DHX35: variants seen among roughly 807,000 people sequenced by gnomAD.
The protein encoded by DHX35 is DEAH-box helicase 35.
DHX35 carries 84 observed loss-of-function variants against 99.6 expected under a neutral mutation model. The observed-to-expected ratio is 0.84, with a 90% CI of 0.71 to 1.01. DHX35 has a LOEUF of 1.01. DHX35 is among the 50% of genes least tolerant of loss of function. The pLI is 0.00. For missense variants in DHX35, 852 were observed against 888.5 expected (o/e 0.96, Z 0.52); for synonymous variants, 331 against 316.2 (o/e 1.05, Z -0.50).
chr20:39,006,142 G>C lies in DHX35; in HGVS notation c.1012-4G>C, dbSNP rs1040509644. The C allele has an allele frequency of 6.2e-7, 1 of 1,611,626 alleles. No individual in the cohort carries two copies. The highest frequency in any genetic ancestry group is 1.1e-5 in the South Asian group (1 of 90,954). On this transcript the variant is annotated splice_polypyrimidine_tract_variant and splice_region_variant and intron_variant, in intron 11 of 21. Transcript: ENST00000252011. ...TTTTATTCTTCTTTCTGTGGGGAAC[G>C]TAGGTGATAGTGGCCACCAATGTGG...
chr20:39,005,237 G>C (rs1440743534), intron 11 of DHX35, among the ~76,000 whole-genome samples: 7 of 152,096 alleles, frequency 4.6e-5, no homozygotes, highest in Non-Finnish European at 1.0e-4. Context: ...AAACCCTTCA[G>C]GGGCAGCTCC....
chr20:38,972,156 C>T (rs533965744), intron 2 of DHX35, among the ~76,000 whole-genome samples: 1 of 151,850 alleles, frequency 6.6e-6, no homozygotes, highest in Non-Finnish European at 1.5e-5. Flanking sequence ...ATTACAGGCA[C>T]TTTCCACTGC....
intron 2 of DHX35, among the ~76,000 whole-genome samples, chr20:38,970,655 A>G (rs2085981411): frequency 6.6e-6 from 1 of 152,170 alleles, no homozygotes; most frequent in African/African-American, 2.4e-5. Context: ...AGGAGCACCT[A>G]CCTCATAGGA....
intron 4 of DHX35, among the ~76,000 whole-genome samples, chr20:38,984,919 G>A (rs1250427753): frequency 1.4e-5 from 2 of 148,118 alleles, no homozygotes; most frequent in Non-Finnish European, 3.0e-5. Context: ...TAATATGCTT[G>A]AGAATGTTCA....
intron 16 of DHX35, among the ~76,000 whole-genome samples, chr20:39,023,368 CTTTCTTTT>C (rs1307629606): frequency 6.6e-6 from 1 of 152,172 alleles, no homozygotes; most frequent in Non-Finnish European, 1.5e-5. Context: ...TTCTTTCTTT[CTTTCTTTT>C]TTTCTTTTTT....
intron 11 of DHX35, among the ~76,000 whole-genome samples, chr20:39,005,836 A>C (rs1305729174): frequency 6.6e-6 from 1 of 152,184 alleles, no homozygotes; most frequent in Non-Finnish European, 1.5e-5. Context: ...AACAAATGCT[A>C]GGCTCTGATC....
chr20:38,965,227 G>A (rs1453564074), intron 1 of DHX35, among the ~76,000 whole-genome samples: 1 of 152,234 alleles, frequency 6.6e-6, no homozygotes, highest in Non-Finnish European at 1.5e-5. Flanking sequence ...CCGTTGCTTT[G>A]TGTTAGTCAC....
At chr20:39,013,435 A>G (rs1055397651) in intron 13 of DHX35, among the ~76,000 whole-genome samples, 1 of 152,256 alleles carries the variant, frequency 6.6e-6, no homozygotes, top group African/African-American at 2.4e-5. Flanking sequence ...AACTATACAT[A>G]AACAGTAATT....
At chr20:38,991,645 C>A (rs2086339284) in intron 6 of DHX35, 130 bp downstream of exon 6, 1 of 698,684 alleles carries the variant, frequency 1.4e-6, no homozygotes, top group Non-Finnish European at 2.3e-6. Flanking sequence ...TTGACCTTGG[C>A]TGTTGGGACC....
rs1182987154 is a variant in DHX35, at chr20:39,039,387, TTTTG to T, written c.*853_*856del. 5 of 152,622 alleles carry T rather than the reference TTTTG, an allele frequency of 3.3e-5. No individual in the cohort carries two copies. The highest frequency in any genetic ancestry group is 7.3e-5 in the Non-Finnish European group (5 of 68,058). 9.5% of individuals were successfully genotyped at this position (152,622 alleles called of 1,614,324 possible). A position where few individuals can be genotyped will look rare whatever the true frequency, so the allele number is the denominator to read the frequency against. On this transcript the variant is annotated 3_prime_UTR_variant, in exon 22 of 22. Transcript: ENST00000252011. Reference sequence around the variant, plus strand: ...AGGAACATCACTGGTGTATTTGTTTTTTTGTTTGTTTGCTTGGGTTCTTGCAAGA... The same window carrying T: ...AGGAACATCACTGGTGTATTTGTTTTTTTGTTTGCTTGGGTTCTTGCAAGA...
chr20:39,024,161 A>G (rs1311407744), intron 17 of DHX35, among the ~76,000 whole-genome samples: 1 of 152,242 alleles, frequency 6.6e-6, no homozygotes, highest in East Asian at 1.9e-4. Context: ...TGAATCTTCA[A>G]AGCTGTCCCA....
Position 39,014,928 on chromosome 20 carries a change from C to G in DHX35, c.1396C>G (p.Leu466Val). The G allele has an allele frequency of 3.1e-6, 5 of 1,614,172 alleles. No homozygotes were observed. The highest frequency in any genetic ancestry group is 4.2e-6 in the Non-Finnish European group (5 of 1,180,022). Residue 466 changes from leucine (L) to valine (V), a missense_variant, in exon 14 of 22, where the codon CTG becomes GTG. Leu to Val is a conservative substitution (Grantham distance 32). Transcript: ENST00000252011. ...TCAAGCCTTGGAGTTACTGTATGCT[C>G]TGGGAGGTATGCCAGTTTCTCTCAT... ...MVQALELLYA[L>V]GGLDKDCRLT...
chr20:38,963,796 C>G (rs1230160939), intron 1 of DHX35, among the ~76,000 whole-genome samples: 1 of 152,216 alleles, frequency 6.6e-6, no homozygotes, highest in Non-Finnish European at 1.5e-5. Flanking sequence ...GCTCTGCTCT[C>G]AAGTTACTGT....
chr20:39,004,109 C>G (rs899728501), intron 11 of DHX35, among the ~76,000 whole-genome samples: 30 of 152,100 alleles, frequency 2.0e-4, no homozygotes, highest in African/African-American at 7.2e-4. Context: ...GTTGCCCAGG[C>G]TGGAGTGCAG....
At chr20:39,017,444 G>A (rs1428690254) in intron 14 of DHX35, among the ~76,000 whole-genome samples, 1 of 152,172 alleles carries the variant, frequency 6.6e-6, no homozygotes, top group Non-Finnish European at 1.5e-5. Flanking sequence ...AATGTTGACA[G>A]CATAGGAGTT....
chr20:38,980,229 T>G (rs1295418501), intron 3 of DHX35, among the ~76,000 whole-genome samples: 1 of 152,132 alleles, frequency 6.6e-6, no homozygotes, highest in African/African-American at 2.4e-5. Flanking sequence ...GCTAAGAGAT[T>G]GGCTATGTGT....
rs1365313928 is a variant in DHX35, at chr20:39,014,735, G to T, written c.1348-145G>T. 7.4e-6 allele frequency: 7 copies of T among 946,830 alleles called. No individual in the cohort carries two copies. The Admixed American group carries it at 1.4e-4, about 19-fold the overall frequency. 58.7% of individuals were successfully genotyped at this position (946,830 alleles called of 1,614,324 possible). A position where few individuals can be genotyped will look rare whatever the true frequency, so the allele number is the denominator to read the frequency against. On this transcript the variant is annotated intron_variant, in intron 13 of 21. Coordinates refer to ENST00000252011, the MANE Select transcript of DHX35 (RefSeq NM_021931.4). ...GAAGGACAGGAAGGACATTTCAAGAGGTGCCAACAGCAAGAACAGAAACAT... is the reference window on the plus strand; with the variant it reads ...GAAGGACAGGAAGGACATTTCAAGATGTGCCAACAGCAAGAACAGAAACAT...
chr20:39,034,398 T>A, intron 21 of DHX35, 81 bp downstream of exon 21: 1 of 1,181,652 alleles, frequency 8.5e-7, no homozygotes, highest in Non-Finnish European at 1.2e-6. Context: ...TTCTCCAATT[T>A]AATGCCCTAT....
chr20:39,038,629 A>G lies in DHX35; in HGVS notation c.*86A>G. 3.6e-6 allele frequency: 5 copies of G among 1,388,332 alleles called. No homozygotes were observed. Among genetic ancestry groups the G allele is most frequent in the Non-Finnish European group, 4.0e-6 (4 of 1,005,762 alleles). The allele number at this position is 1,388,332 out of a possible 1,614,324, so 86.0% of individuals were successfully genotyped here. ...CTGGTCCCAGGTGGGGTGAGCTGGC[A>G]CCAGCTCCTGTGGAATGTTTGGTTG... On this transcript the variant is annotated 3_prime_UTR_variant, in exon 22 of 22. Coordinates refer to ENST00000252011, the MANE Select transcript of DHX35 (RefSeq NM_021931.4).
Sources: gnomAD v4.1 joint callset for allele counts (sites outside exome capture counted in the v4.1 genomes callset) on GRCh38, gnomAD v4.1.1 for gene constraint, MANE v1.5 for transcripts, NCBI Gene and HGNC (gene_info 2026-07-23, HGNC 2026-07-21) for gene names.